SDK1: variants seen among roughly 807,000 people sequenced by gnomAD.
The protein encoded by SDK1 is sidekick cell adhesion molecule 1.
A neutral mutation model predicts 245.5 loss-of-function variants in SDK1; 157 were observed. The observed-to-expected ratio is 0.64, with a 90% confidence interval of 0.56 to 0.73. The LOEUF (loss-of-function observed/expected upper bound fraction) is 0.73, where lower values mean the gene tolerates loss of function less well. Ranked by LOEUF, SDK1 falls within the 30% of genes least tolerant of loss-of-function variation. SDK1 has a pLI of 0.00. For missense variants in SDK1, 3,583 were observed against 3,002.3 expected (o/e 1.19, Z -4.52); for synonymous variants, 1,647 against 1,278.5 (o/e 1.29, Z -6.15).
intron 4 of SDK1, among the ~76,000 whole-genome samples, chr7:3,744,166 C>T (rs531343905): frequency 9.2e-5 from 14 of 152,144 alleles, no homozygotes; most frequent in Non-Finnish European, 1.8e-4. Context: ...TGGCCTGGTG[C>T]CCCACTTTAT....
intron 1 of SDK1, among the ~76,000 whole-genome samples, chr7:3,607,257 A>C (rs570893165): frequency 6.6e-6 from 1 of 152,290 alleles, no homozygotes; most frequent in East Asian, 1.9e-4. Flanking sequence ...GCTTGTTCAT[A>C]AGCACCTTAG....
chr7:3,775,979 T>A (rs1780546763), intron 4 of SDK1, among the ~76,000 whole-genome samples: 1 of 152,230 alleles, frequency 6.6e-6, no homozygotes. Flanking sequence ...GAGTGAATCT[T>A]CCACCAGTCC....
intron 44 of SDK1, among the ~76,000 whole-genome samples, chr7:4,254,371 C>G (rs973447202): frequency 6.6e-6 from 1 of 152,160 alleles, no homozygotes; most frequent in Non-Finnish European, 1.5e-5. Flanking sequence ...TGAACTGATT[C>G]TTTCTTCTGC....
At chr7:3,377,595 T>C (rs1781386758) in intron 1 of SDK1, among the ~76,000 whole-genome samples, 1 of 152,080 alleles carries the variant, frequency 6.6e-6, no homozygotes, top group South Asian at 2.1e-4. Flanking sequence ...TCTGTGTCTG[T>C]TGTAACAGTT....
intron 5 of SDK1, among the ~76,000 whole-genome samples, chr7:3,905,023 A>G (rs1391862260): frequency 4.0e-5 from 6 of 151,632 alleles, no homozygotes; most frequent in African/African-American, 1.5e-4. Context: ...TAATAATAAA[A>G]CCTACTTATC....
intron 1 of SDK1, among the ~76,000 whole-genome samples, chr7:3,616,673 G>T (rs927894779): frequency 3.3e-5 from 5 of 152,022 alleles, no homozygotes; most frequent in African/African-American, 1.2e-4. Flanking sequence ...TGGTAATATT[G>T]TATTACTAAT....
At chr7:3,657,628 A>G (rs745957096) in intron 4 of SDK1, among the ~76,000 whole-genome samples, 6 of 151,560 alleles carry the variant, frequency 4.0e-5, no homozygotes, top group Non-Finnish European at 8.8e-5. Flanking sequence ...AAATGGGGTC[A>G]AGCCATCTGT....
intron 6 of SDK1, 61 bp from the exon 7 acceptor site, chr7:3,951,669 G>T: frequency 6.7e-7 from 1 of 1,493,654 alleles, no homozygotes. Context: ...TGCCTGAGAT[G>T]ATGACCGTTG....
intron 4 of SDK1, among the ~76,000 whole-genome samples, chr7:3,722,032 G>T (rs544350026): frequency 6.6e-6 from 1 of 151,680 alleles, no homozygotes; most frequent in East Asian, 1.9e-4. Context: ...TTGACCTCTT[G>T]TTTTTTTTGT....
intron 43 of SDK1, among the ~76,000 whole-genome samples, chr7:4,244,675 G>A (rs1305082281): frequency 4.6e-5 from 7 of 152,346 alleles, no homozygotes; most frequent in South Asian, 4.1e-4. Flanking sequence ...GCTCAGCTGG[G>A]TCCTCTGCTC....
chr7:3,460,934 C>T (rs987684564), intron 1 of SDK1, among the ~76,000 whole-genome samples: 14 of 152,148 alleles, frequency 9.2e-5, no homozygotes, highest in South Asian at 2.1e-4. Context: ...GACAGAGACA[C>T]GTTTCTTACA....
intron 1 of SDK1, among the ~76,000 whole-genome samples, chr7:3,581,001 C>CAA (rs1562578424): frequency 1.1e-5 from 1 of 94,730 alleles, no homozygotes; most frequent in Non-Finnish European, 2.1e-5. Context: ...AAAACCAAAA[C>CAA]AAAACCCTGG....
At chr7:3,792,719 TC>T (rs1778842836) in intron 4 of SDK1, among the ~76,000 whole-genome samples, 1 of 151,196 alleles carries the variant, frequency 6.6e-6, no homozygotes, top group African/African-American at 2.4e-5. Flanking sequence ...CATCCATCCA[TC>T]CGTCTGTCCA....
intron 4 of SDK1, among the ~76,000 whole-genome samples, chr7:3,747,009 TA>T (rs760205218): frequency 6.6e-6 from 1 of 152,238 alleles, no homozygotes; most frequent in Non-Finnish European, 1.5e-5. Flanking sequence ...TCTTAAATAG[TA>T]AGACGTGAAA....
intron 5 of SDK1, among the ~76,000 whole-genome samples, chr7:3,846,392 G>A (rs905345400): frequency 6.6e-6 from 1 of 152,158 alleles, no homozygotes; most frequent in East Asian, 1.9e-4. Flanking sequence ...AAAGGAGAAG[G>A]ACATTTGTTT....
In SDK1 at chr7:3,511,731, A is replaced by C. The variant is rs113335418; in HGVS notation, c.299-107349A>C. ...AAAGCATAAAAAGTTTAAAGAAGCA[A>C]AAAATAAGCATACAAAATCAACCAT... On this transcript the variant is annotated intron_variant, in intron 1 of 44. Transcript: ENST00000404826. Among the ~76,000 whole-genome samples, 83 of 152,188 alleles carry C rather than the reference A, an allele frequency of 5.5e-4. 1 individual carries two copies. The highest frequency in any genetic ancestry group is 1.8e-3 in the Admixed American group (27 of 15,280).
chr7:4,199,778 T>C (rs1166636644), intron 35 of SDK1, among the ~76,000 whole-genome samples: 1 of 152,168 alleles, frequency 6.6e-6, no homozygotes, highest in Non-Finnish European at 1.5e-5. Context: ...CACACATCCC[T>C]GTGCTCAGTC....
chr7:3,840,788 G>T (rs753650968), intron 5 of SDK1, among the ~76,000 whole-genome samples: 6 of 152,202 alleles, frequency 3.9e-5, no homozygotes, highest in Non-Finnish European at 5.9e-5. Context: ...AGCCTCGCCT[G>T]ACTTGGATTC....
chr7:4,146,732 C>G (rs1280941644), intron 29 of SDK1, among the ~76,000 whole-genome samples: 1 of 152,256 alleles, frequency 6.6e-6, no homozygotes, highest in Non-Finnish European at 1.5e-5. Flanking sequence ...CCAATGAGAA[C>G]TGCCGGGCGA....
Sources: gnomAD v4.1 joint callset for allele counts (sites outside exome capture counted in the v4.1 genomes callset) on GRCh38, gnomAD v4.1.1 for gene constraint, MANE v1.5 for transcripts, NCBI Gene and HGNC (gene_info 2026-07-23, HGNC 2026-07-21) for gene names.